The following CNTN4 variants were observed in gnomAD, a reference collection of about 807,000 sequenced individuals.
CNTN4 encodes contactin-4.
CNTN4 carries 77 observed loss-of-function variants against 122.5 expected under a neutral mutation model. That is an observed-to-expected ratio of 0.63 (90% CI 0.52 to 0.76). CNTN4 has a LOEUF of 0.76. Ranked by LOEUF, CNTN4 falls within the 30% of genes least tolerant of loss-of-function variation. The pLI, the probability that CNTN4 is intolerant of heterozygous loss-of-function variation, is 0.00. For missense variants in CNTN4, 1,256 were observed against 1,259.1 expected, an observed-to-expected ratio of 1.00 and a Z score of 0.04; for synonymous variants, 512 against 447.0, an observed-to-expected ratio of 1.15 and a Z score of -1.83.
intron 3 of CNTN4, among the ~76,000 whole-genome samples, chr3:2,354,583 A>C (rs1188409694): frequency 1.3e-5 from 2 of 152,204 alleles, no homozygotes; most frequent in African/African-American, 2.4e-5. Flanking sequence ...TTACATAAGT[A>C]GGCTTCAAGA....
chr3:3,054,916 ATTTCAG>A (rs528974581), intron 24 of CNTN4, among the ~76,000 whole-genome samples: 26 of 152,284 alleles, frequency 1.7e-4, no homozygotes, highest in Non-Finnish European at 3.2e-4. Context: ...AGGCTTTCAG[ATTTCAG>A]TCTGGAGATT....
chr3:2,498,774 A>T (rs1445276130), intron 3 of CNTN4, among the ~76,000 whole-genome samples: 1 of 151,298 alleles, frequency 6.6e-6, no homozygotes, highest in African/African-American at 2.4e-5. Context: ...GAGCCACTGC[A>T]ATTTTTCCTC....
intron 5 of CNTN4, among the ~76,000 whole-genome samples, chr3:2,742,204 C>T (rs1223740089): frequency 7.1e-6 from 1 of 139,954 alleles, no homozygotes; most frequent in Non-Finnish European, 1.6e-5. Flanking sequence ...GTTCTCTCCT[C>T]AGACACCGCA....
intron 2 of CNTN4, among the ~76,000 whole-genome samples, chr3:2,233,812 A>G (rs936840400): frequency 5.3e-5 from 8 of 152,214 alleles, no homozygotes; most frequent in African/African-American, 4.8e-5. Context: ...AAGAAAGTCA[A>G]TGGAAAAGTC....
At chr3:2,193,205 C>A (rs1246825929) in intron 2 of CNTN4, among the ~76,000 whole-genome samples, 1 of 152,160 alleles carries the variant, frequency 6.6e-6, no homozygotes, top group Non-Finnish European at 1.5e-5. Flanking sequence ...CTCTTCAGTA[C>A]AGAATTTCAT....
At chr3:2,374,786 A>T (rs73807750) in intron 3 of CNTN4, among the ~76,000 whole-genome samples, 13,709 of 152,186 alleles carry the variant, frequency 0.09, 1,032 homozygotes, top group African/African-American at 0.21. Context: ...AATATACATG[A>T]ATGTTTAAAT....
At chr3:3,039,341 T>C (rs1326577628) in intron 19 of CNTN4, 1 of 246,142 alleles carries the variant, frequency 4.1e-6, no homozygotes, top group Non-Finnish European at 8.1e-6. Flanking sequence ...TTAAAACGTC[T>C]GCCAGCAATA....
chr3:2,101,529 A>C (rs1430788667), intron 2 of CNTN4, among the ~76,000 whole-genome samples: 1 of 151,192 alleles, frequency 6.6e-6, no homozygotes, highest in African/African-American at 2.5e-5. Context: ...TATGATAGGC[A>C]GGGGGAAGTC....
At chr3:2,692,348 A>C (rs1395595465) in intron 4 of CNTN4, among the ~76,000 whole-genome samples, 1 of 152,118 alleles carries the variant, frequency 6.6e-6, no homozygotes, top group Admixed American at 6.6e-5. Context: ...CCCTCCCTGC[A>C]GGCAGTTCCA....
At chr3:2,232,217 T>G (rs2039514218) in intron 2 of CNTN4, among the ~76,000 whole-genome samples, 1 of 152,158 alleles carries the variant, frequency 6.6e-6, no homozygotes, top group South Asian at 2.1e-4. Context: ...CAATGCCTCA[T>G]TTAAATGTCT....
chr3:2,341,941 A>G (rs1391063972), intron 3 of CNTN4, among the ~76,000 whole-genome samples: 2 of 152,126 alleles, frequency 1.3e-5, no homozygotes, highest in Admixed American at 6.6e-5. Context: ...GCCATTTGCT[A>G]TCTTCTAGCC....
intron 6 of CNTN4, among the ~76,000 whole-genome samples, chr3:2,752,507 A>G (rs2090143669): frequency 6.6e-6 from 1 of 152,058 alleles, no homozygotes; most frequent in Non-Finnish European, 1.5e-5. Flanking sequence ...CTGGGAATAC[A>G]GGCGCCCACC....
intron 2 of CNTN4, among the ~76,000 whole-genome samples, chr3:2,307,352 G>A (rs953353747): frequency 7.9e-5 from 12 of 151,770 alleles, no homozygotes; most frequent in East Asian, 1.9e-4. Flanking sequence ...GGAGAATGGC[G>A]TGAACCCGGG....
chr3:2,776,962 T>G (rs1434275058), intron 6 of CNTN4, among the ~76,000 whole-genome samples: 1 of 150,972 alleles, frequency 6.6e-6, no homozygotes, highest in Non-Finnish European at 1.5e-5. Flanking sequence ...AGAGACACCA[T>G]GCATCTTTTT....
At chr3:2,858,898 A>AT (rs1442809869) in intron 7 of CNTN4, among the ~76,000 whole-genome samples, 3 of 152,198 alleles carry the variant, frequency 2.0e-5, no homozygotes, top group African/African-American at 7.2e-5. Flanking sequence ...CTCACATACC[A>AT]TTTTTTCTAT....
Position 3,056,969 on chromosome 3 carries a change from C to A in CNTN4, c.*749C>A, listed in dbSNP as rs539225680. ...ATTTAGCATTGTACAGGAAGATTTT[C>A]TTTTCACTCAACTGAGTTAGCATTG... On this transcript the variant is annotated 3_prime_UTR_variant, in exon 25 of 25. Transcript: ENST00000418658. The A allele has an allele frequency of 2.0e-5, 3 of 152,708 alleles. No individual in the cohort carries two copies. The East Asian group carries it at 5.8e-4, about 29-fold the overall frequency. The allele number at this position is 152,708 out of a possible 1,614,324, so 9.5% of individuals were successfully genotyped here.
chr3:2,713,355 C>T (rs2087270840), intron 4 of CNTN4, among the ~76,000 whole-genome samples: 1 of 152,104 alleles, frequency 6.6e-6, no homozygotes, highest in African/African-American at 2.4e-5. Flanking sequence ...AAAATTGTTT[C>T]AGTTTTTTCT....
chr3:2,528,179 A>C (rs965768601), intron 3 of CNTN4, among the ~76,000 whole-genome samples: 1 of 152,130 alleles, frequency 6.6e-6, no homozygotes, highest in African/African-American at 2.4e-5. Context: ...TAATATATCA[A>C]ATCCAAGCTC....
chr3:2,357,968 G>A (rs1268602226), intron 3 of CNTN4, among the ~76,000 whole-genome samples: 1 of 152,114 alleles, frequency 6.6e-6, no homozygotes, highest in African/African-American at 2.4e-5. Flanking sequence ...TGTCTTTTAT[G>A]TAATATGTGA....
Sources: gnomAD v4.1 joint callset for allele counts (sites outside exome capture counted in the v4.1 genomes callset) on GRCh38, gnomAD v4.1.1 for gene constraint, MANE v1.5 for transcripts, NCBI Gene and HGNC (gene_info 2026-07-23, HGNC 2026-07-21) for gene names.